The following CNTN4 variants were observed in gnomAD, a reference collection of about 807,000 sequenced individuals.
CNTN4 encodes the protein contactin-4.
In CNTN4, 77 loss-of-function variants were observed where a neutral mutation model predicts 122.5. That is an observed-to-expected ratio of 0.63 (90% CI 0.52 to 0.76). CNTN4 has a LOEUF of 0.76. Ranked by LOEUF, CNTN4 falls within the 30% of genes least tolerant of loss-of-function variation. CNTN4 has a pLI of 0.00. For synonymous variants in CNTN4, 512 were observed against 447.0 expected (o/e 1.15, Z -1.83); for missense variants, 1,256 against 1,259.1 (o/e 1.00, Z 0.04).
chr3:2,605,256 T>G (rs2081210479), intron 4 of CNTN4, among the ~76,000 whole-genome samples: 1 of 152,206 alleles, frequency 6.6e-6, no homozygotes, highest in Non-Finnish European at 1.5e-5. Context: ...GAGTTGGGAT[T>G]ACAGGCGTGA....
intron 2 of CNTN4, among the ~76,000 whole-genome samples, chr3:2,193,000 C>A (rs190748401): frequency 5.0e-3 from 767 of 152,202 alleles, no homozygotes; most frequent in Admixed American, 0.01. Flanking sequence ...CTGCCTTTTG[C>A]CCTCTCTCTG....
At chr3:2,573,766 C>CT (rs567523233) in intron 4 of CNTN4, among the ~76,000 whole-genome samples, 2 of 152,226 alleles carry the variant, frequency 1.3e-5, no homozygotes, top group South Asian at 2.1e-4. Flanking sequence ...TTTTGTGAGG[C>CT]TTTTTTGTGA....
intron 2 of CNTN4, among the ~76,000 whole-genome samples, chr3:2,293,106 A>G (rs2042191395): frequency 7.2e-6 from 1 of 139,786 alleles, no homozygotes; most frequent in Non-Finnish European, 1.6e-5. Flanking sequence ...GTATAGTGCT[A>G]TTGCACTGTG....
At chr3:2,933,475 T>G (rs1223967241) in intron 13 of CNTN4, among the ~76,000 whole-genome samples, 1 of 152,202 alleles carries the variant, frequency 6.6e-6, no homozygotes. Context: ...TACAGGGTTG[T>G]GAAATTACAG....
At chr3:2,140,465 G>A (rs775334848) in intron 2 of CNTN4, among the ~76,000 whole-genome samples, 8 of 152,022 alleles carry the variant, frequency 5.3e-5, no homozygotes, top group African/African-American at 7.3e-5. Context: ...CCAAGATCAC[G>A]GCAACCTCAG....
At chr3:2,251,304 G>C (rs1307305267) in intron 2 of CNTN4, among the ~76,000 whole-genome samples, 1 of 151,850 alleles carries the variant, frequency 6.6e-6, no homozygotes, top group Admixed American at 6.6e-5. Flanking sequence ...CCAAGGTATT[G>C]TTTACCAATA....
At chr3:2,535,648 C>T (rs565437428) in intron 3 of CNTN4, among the ~76,000 whole-genome samples, 46 of 152,154 alleles carry the variant, frequency 3.0e-4, no homozygotes, top group Non-Finnish European at 4.9e-4. Context: ...TAATCTATTC[C>T]TAAGTGCTAA....
chr3:2,559,605 A>G (rs2078862870), intron 3 of CNTN4, among the ~76,000 whole-genome samples: 5 of 152,176 alleles, frequency 3.3e-5, no homozygotes, highest in African/African-American at 9.7e-5. Flanking sequence ...TTATCACTTT[A>G]TCATCTTTCA....
chr3:2,856,696 C>T (rs556096540), intron 7 of CNTN4, among the ~76,000 whole-genome samples: 33 of 152,324 alleles, frequency 2.2e-4, no homozygotes, highest in Non-Finnish European at 4.3e-4. Context: ...ATCCATTAAT[C>T]ACGGATGCCC....
intron 2 of CNTN4, among the ~76,000 whole-genome samples, chr3:2,120,403 A>T (rs942655139): frequency 0.066 from 2,333 of 35,156 alleles, 71 homozygotes; most frequent in East Asian, 0.16. Flanking sequence ...ATATATATAT[A>T]TATTTTTTTT....
chr3:2,878,177 C>T (rs1383146049), intron 8 of CNTN4, among the ~76,000 whole-genome samples: 1 of 152,144 alleles, frequency 6.6e-6, no homozygotes, highest in Non-Finnish European at 1.5e-5. Context: ...CTGTTATTCA[C>T]GTTCCTGTAG....
chr3:2,886,227 T>C (rs2093975673), intron 9 of CNTN4, among the ~76,000 whole-genome samples: 1 of 151,808 alleles, frequency 6.6e-6, no homozygotes, highest in Non-Finnish European at 1.5e-5. Flanking sequence ...TGAAACCTTG[T>C]CTCTACTAAA....
At chr3:2,820,957 C>CTTTTTTTTT (rs1435679583) in intron 7 of CNTN4, among the ~76,000 whole-genome samples, 2 of 70,624 alleles carry the variant, frequency 2.8e-5, no homozygotes, top group African/African-American at 5.6e-5. Context: ...AACATTTTCT[C>CTTTTTTTTT]TTTCTTTTTT....
At chr3:2,763,325 T>G (rs564179580) in intron 6 of CNTN4, among the ~76,000 whole-genome samples, 4 of 152,302 alleles carry the variant, frequency 2.6e-5, no homozygotes, top group African/African-American at 9.6e-5. Flanking sequence ...TTTGCCCACT[T>G]TTTAAAGTGG....
intron 2 of CNTN4, among the ~76,000 whole-genome samples, chr3:2,126,400 A>G (rs2034170414): frequency 6.6e-6 from 1 of 152,168 alleles, no homozygotes; most frequent in African/African-American, 2.4e-5. Context: ...TTCTAATTTT[A>G]GTTTCTTTAT....
chr3:2,138,641 C>G (rs1205858856), intron 2 of CNTN4, among the ~76,000 whole-genome samples: 3 of 152,144 alleles, frequency 2.0e-5, no homozygotes, highest in Admixed American at 1.3e-4. Context: ...GAATTTGTCC[C>G]TTTCTCTTCC....
intron 13 of CNTN4, among the ~76,000 whole-genome samples, chr3:2,976,420 A>G (rs1693417764): frequency 6.6e-6 from 1 of 152,212 alleles, no homozygotes; most frequent in Non-Finnish European, 1.5e-5. Flanking sequence ...GTTGTTCAGC[A>G]GTTTATTAAA....
chr3:2,839,573 A>AT (rs2093307350), intron 7 of CNTN4, among the ~76,000 whole-genome samples: 1 of 152,166 alleles, frequency 6.6e-6, no homozygotes, highest in Admixed American at 6.5e-5. Flanking sequence ...CCCACCTGGA[A>AT]TTTAGAACAG....
intron 2 of CNTN4, among the ~76,000 whole-genome samples, chr3:2,293,413 T>C (rs1488570997): frequency 6.6e-6 from 1 of 152,180 alleles, no homozygotes; most frequent in East Asian, 1.9e-4. Flanking sequence ...TCATTGTTAG[T>C]ATTATTGAGA....
Sources: allele counts gnomAD v4.1 joint callset (sites outside exome capture counted in the v4.1 genomes callset), GRCh38; gene constraint gnomAD v4.1.1; transcripts MANE v1.5; gene names NCBI Gene and HGNC (gene_info 2026-07-23, HGNC 2026-07-21).